WDR72: variants seen among roughly 807,000 people sequenced by gnomAD.
WDR72 encodes the protein WD repeat domain 72.
WDR72 carries 120 observed loss-of-function variants against 124.2 expected under a neutral mutation model. The observed-to-expected ratio is 0.97, with a 90% confidence interval of 0.83 to 1.12. The LOEUF is 1.12. Among genes scored for constraint, WDR72 ranks in the 50% most tolerant of loss-of-function variants. The pLI, the probability that WDR72 is intolerant of heterozygous loss-of-function variation, is 0.00. For missense variants in WDR72, 1,387 were observed against 1,278.8 expected (o/e 1.08, Z -1.29); for synonymous variants, 452 against 441.7 (o/e 1.02, Z -0.29).
chr15:53,753,115 T>TA lies in WDR72; in HGVS notation c.-13+6517dup, dbSNP rs56992615. Among the ~76,000 whole-genome samples the TA allele has an allele frequency of 4.8e-4, 73 of 152,328 alleles. No homozygotes were observed. The South Asian group carries it at 0.015, about 31-fold the overall frequency. On this transcript the variant is annotated intron_variant, in intron 1 of 19. Transcript: ENST00000360509. ...ATCCCTTACACTTTGGCTTCTCGTG[T>TA]AAAAATACTGTGTTCTTCCAAGGAC... is the stretch of plus-strand genomic sequence containing the variant.
chr15:53,670,544 A>G (rs2015950016), intron 13 of WDR72, among the ~76,000 whole-genome samples: 1 of 152,196 alleles, frequency 6.6e-6, no homozygotes, highest in African/African-American at 2.4e-5. Flanking sequence ...GACAACAAGG[A>G]CACATCATCA....
rs190354075 is a variant in WDR72, at chr15:53,683,933, C to T, written c.1765+15817G>A. On this transcript the variant is annotated intron_variant, in intron 13 of 19. Transcript: ENST00000360509. Reference sequence around the variant, plus strand: ...CAGGAGTTCTTAACCTTTTTTACACCATGAACCCCATCAACAATCTGGGGA... The same window carrying T: ...CAGGAGTTCTTAACCTTTTTTACACTATGAACCCCATCAACAATCTGGGGA... Among the ~76,000 whole-genome samples the T allele has an allele frequency of 7.2e-5, 11 of 152,170 alleles. No homozygotes were observed. The East Asian group carries it at 1.9e-3, about 27-fold the overall frequency.
intron 18 of WDR72, among the ~76,000 whole-genome samples, chr15:53,535,009 A>T (rs867608354): frequency 3.9e-5 from 6 of 152,098 alleles, no homozygotes; most frequent in African/African-American, 1.4e-4. Context: ...TTCCACAGAG[A>T]GGGAGGTGAT....
chr15:53,732,992 C>T lies in WDR72; in HGVS notation c.153+5G>A, dbSNP rs773347050. 1.2e-6 allele frequency: 2 copies of T among 1,614,054 alleles called. No homozygotes were observed. The highest frequency in any genetic ancestry group is 1.7e-5 in the Admixed American group (1 of 60,018). ...TCTGTTTCAATATCAGTAGCTTTCA[C>T]TAACCTTTAGTTCATGTGAGAGATT... On this transcript the variant is annotated splice_donor_5th_base_variant and intron_variant, in intron 2 of 19. Coordinates refer to ENST00000360509, the MANE Select transcript of WDR72 (RefSeq NM_182758.4).
intron 18 of WDR72, among the ~76,000 whole-genome samples, chr15:53,583,027 A>C (rs866534136): frequency 6.6e-6 from 1 of 151,974 alleles, no homozygotes; most frequent in Admixed American, 6.6e-5. Context: ...AAATGAGTTT[A>C]CTGTCTTGTA....
chr15:53,525,206 G>C (rs1892047057), intron 18 of WDR72, among the ~76,000 whole-genome samples: 1 of 152,020 alleles, frequency 6.6e-6, no homozygotes, highest in Non-Finnish European at 1.5e-5. Flanking sequence ...ATAGTTAAAT[G>C]TATCAGTTTC....
At chr15:53,651,990 C>T (rs1255772974) in intron 14 of WDR72, 1 of 152,150 alleles carries the variant, frequency 6.6e-6, no homozygotes, top group Non-Finnish European at 1.5e-5. Flanking sequence ...ACTTCTCGGC[C>T]TTCTGGCTAA....
chr15:53,565,235 G>A (rs1040020285), intron 18 of WDR72, among the ~76,000 whole-genome samples: 9 of 151,842 alleles, frequency 5.9e-5, no homozygotes, highest in African/African-American at 2.2e-4. Context: ...GAAAGTTTAA[G>A]AGGCAAAAAC....
chr15:53,578,918 A>G (rs2011766072), intron 18 of WDR72, among the ~76,000 whole-genome samples: 1 of 152,094 alleles, frequency 6.6e-6, no homozygotes, highest in Non-Finnish European at 1.5e-5. Context: ...CATCTGGACT[A>G]GGAGAGTCTA....
At chr15:53,686,702 C>T (rs938154168) in intron 13 of WDR72, among the ~76,000 whole-genome samples, 2 of 149,576 alleles carry the variant, frequency 1.3e-5, no homozygotes, top group Non-Finnish European at 3.0e-5. Context: ...AGCTCTGCAC[C>T]AAGTGGACCT....
At chr15:53,591,242 C>T (rs543750469) in intron 18 of WDR72, among the ~76,000 whole-genome samples, 1 of 152,004 alleles carries the variant, frequency 6.6e-6, no homozygotes, top group African/African-American at 2.4e-5. Flanking sequence ...GTTAATGATT[C>T]TAGTTTGTAT....
At chr15:53,593,331 C>T (rs914312702) in intron 18 of WDR72, among the ~76,000 whole-genome samples, 3 of 152,080 alleles carry the variant, frequency 2.0e-5, no homozygotes, top group African/African-American at 7.2e-5. Flanking sequence ...GAAAACGTAG[C>T]TTACTGGATA....
intron 18 of WDR72, among the ~76,000 whole-genome samples, 172 bp downstream of exon 18, chr15:53,596,907 C>A (rs1009283980): frequency 6.6e-6 from 1 of 152,164 alleles, no homozygotes; most frequent in African/African-American, 2.4e-5. Context: ...TTTCAACTTA[C>A]AGTGGGTTTA....
intron 13 of WDR72, among the ~76,000 whole-genome samples, chr15:53,668,885 A>G (rs1333655171): frequency 6.9e-6 from 1 of 144,200 alleles, no homozygotes; most frequent in Non-Finnish European, 1.5e-5. Flanking sequence ...AGCCTCAGTG[A>G]CAAGGTGAGA....
Position 53,668,796 on chromosome 15 carries a change from CTTGGGGGGCTG to C in WDR72, c.1766-3039_1766-3029del, listed in dbSNP as rs2015866983. 1.1e-4 allele frequency among the ~76,000 whole-genome samples: 17 copies of C among 150,486 alleles called. No individual in the cohort carries two copies. The South Asian group carries it at 3.4e-3, about 30-fold the overall frequency. On this transcript the variant is annotated intron_variant, in intron 13 of 19. Coordinates refer to ENST00000360509, the MANE Select transcript of WDR72 (RefSeq NM_182758.4). ...TGGCATGTGCTTGTAGTCACAGCTACTTGGGGGGCTGAGGTGGGAGGATCACTTGAGCCAGA... is the reference window on the plus strand; with the variant it reads ...TGGCATGTGCTTGTAGTCACAGCTACAGGTGGGAGGATCACTTGAGCCAGA...
chr15:53,555,441 A>G (rs1893893603), intron 18 of WDR72, among the ~76,000 whole-genome samples: 1 of 152,028 alleles, frequency 6.6e-6, no homozygotes, highest in Non-Finnish European at 1.5e-5. Flanking sequence ...AGATAAAGAG[A>G]GAGAGAACAT....
At chr15:53,644,541 T>C (rs1020096310) in intron 14 of WDR72, among the ~76,000 whole-genome samples, 1 of 152,048 alleles carries the variant, frequency 6.6e-6, no homozygotes, top group Non-Finnish European at 1.5e-5. Context: ...AGCATATAGG[T>C]GTATACTAGT....
In WDR72 at chr15:53,516,648, T is replaced by G. The variant is rs962974043; in HGVS notation, c.*1051A>C. 9 of 152,056 alleles carry G rather than the reference T, an allele frequency of 5.9e-5. No individual in the cohort carries two copies. The highest frequency in any genetic ancestry group is 1.7e-4 in the African/African-American group (7 of 41,444). 9.4% of individuals were successfully genotyped at this position (152,056 alleles called of 1,614,324 possible). A position where few individuals can be genotyped will look rare whatever the true frequency, so the allele number is the denominator to read the frequency against. On this transcript the variant is annotated 3_prime_UTR_variant, in exon 20 of 20. Coordinates refer to ENST00000360509, the MANE Select transcript of WDR72 (RefSeq NM_182758.4). ...TTTCTTCAATTGAAGTGACTTGGAC[T>G]TCCCTATTAGATACATAGATAGATA...
rs7342624 is a variant in WDR72, at chr15:53,541,584, G to A, written c.3149-18262C>T. Among the ~76,000 whole-genome samples the A allele has an allele frequency of 8.4e-3, 1,264 of 150,284 alleles. 18 individuals carry two copies. The highest frequency in any genetic ancestry group is 0.029 in the African/African-American group (1,202 of 41,082). ...AACTGGATACTCTAAAACGCAGAGC[G>A]CCTCTCCTCCTCCAAAGGAACGCAG... is the stretch of plus-strand genomic sequence containing the variant. On this transcript the variant is annotated intron_variant, in intron 18 of 19. Transcript: ENST00000360509.
Sources: allele counts gnomAD v4.1 joint callset (sites outside exome capture counted in the v4.1 genomes callset), GRCh38; gene constraint gnomAD v4.1.1; transcripts MANE v1.5; gene names NCBI Gene and HGNC (gene_info 2026-07-23, HGNC 2026-07-21).